SSH2: variants seen among roughly 807,000 people sequenced by gnomAD.
SSH2 encodes the protein protein phosphatase Slingshot homolog 2.
Under a neutral mutation model 135.2 loss-of-function variants are expected in SSH2, and 37 were observed. The observed-to-expected ratio is 0.27, with a 90% confidence interval of 0.21 to 0.36. The LOEUF (loss-of-function observed/expected upper bound fraction) is 0.36. Among genes scored for constraint, SSH2 ranks in the 10% least tolerant of loss-of-function variants. The probability of loss-of-function intolerance (pLI) is 1.00; values close to 1 mark genes in which losing one functional copy is unlikely to be tolerated. For synonymous variants in SSH2, 628 were observed against 646.2 expected, an observed-to-expected ratio of 0.97 and a Z score of 0.43; for missense variants, 1,408 against 1,765.3, an observed-to-expected ratio of 0.80 and a Z score of 3.63.
chr17:29,788,584 T>C (rs1267480388), intron 3 of SSH2, among the ~76,000 whole-genome samples: 1 of 152,024 alleles, frequency 6.6e-6, no homozygotes, highest in African/African-American at 2.4e-5. Flanking sequence ...TTTCTTTCTC[T>C]CTCTTTTTTC....
chr17:29,685,592 C>T (rs999118480), intron 5 of SSH2, among the ~76,000 whole-genome samples: 3 of 151,918 alleles, frequency 2.0e-5, no homozygotes, highest in Non-Finnish European at 2.9e-5. Flanking sequence ...TCAAGACCAG[C>T]CTGGCCAACA....
intron 1 of SSH2, among the ~76,000 whole-genome samples, chr17:29,885,077 A>AAGGCAT (rs2066209880): frequency 6.6e-6 from 1 of 152,138 alleles, no homozygotes; most frequent in Non-Finnish European, 1.5e-5. Context: ...ATTTCTTACC[A>AAGGCAT]AGGCATAAAA....
At chr17:29,699,719 G>A (rs1049019227) in intron 4 of SSH2, among the ~76,000 whole-genome samples, 4 of 152,064 alleles carry the variant, frequency 2.6e-5, no homozygotes, top group African/African-American at 9.7e-5. Flanking sequence ...CAGACAAACT[G>A]GATTTAAACC....
chr17:29,885,752 G>T (rs1336280965), intron 1 of SSH2, among the ~76,000 whole-genome samples: 1 of 152,138 alleles, frequency 6.6e-6, no homozygotes, highest in African/African-American at 2.4e-5. Flanking sequence ...GGTTTTTCCT[G>T]TGCTGTTCTG....
intron 3 of SSH2, among the ~76,000 whole-genome samples, chr17:29,744,860 AGT>A (rs71689248): frequency 0.33 from 46,466 of 140,214 alleles, 7,798 homozygotes; most frequent in East Asian, 0.47. Context: ...GGATTACTTG[AGT>A]GTGTGTGTGT....
At chr17:29,828,361 G>A (rs1245780642) in intron 2 of SSH2, among the ~76,000 whole-genome samples, 1 of 152,160 alleles carries the variant, frequency 6.6e-6, no homozygotes, top group Non-Finnish European at 1.5e-5. Flanking sequence ...TGAATCTACT[G>A]TGAACTTTTA....
At chr17:29,673,889 G>C in intron 8 of SSH2, 1 of 329,384 alleles carries the variant, frequency 3.0e-6, no homozygotes, top group Non-Finnish European at 6.1e-6. Flanking sequence ...TAATGATATA[G>C]ATGTACCATA....
intron 4 of SSH2, among the ~76,000 whole-genome samples, chr17:29,702,472 T>C (rs1229771910): frequency 6.6e-6 from 1 of 151,772 alleles, no homozygotes; most frequent in Non-Finnish European, 1.5e-5. Flanking sequence ...CTGGCTAATG[T>C]GGTAAAACCC....
At chr17:29,927,720 AG>A (rs746222976) in intron 1 of SSH2, among the ~76,000 whole-genome samples, 2 of 152,230 alleles carry the variant, frequency 1.3e-5, no homozygotes, top group African/African-American at 2.4e-5. Context: ...GAAGTCCAAT[AG>A]GAAGACAATT....
intron 1 of SSH2, chr17:29,929,716 T>C (rs1480277300): frequency 3.4e-6 from 2 of 583,952 alleles, no homozygotes; most frequent in East Asian, 2.9e-5. Flanking sequence ...AGGGCGAGGA[T>C]TGTGAGGAGC....
chr17:29,848,494 GAAT>G (rs1459552571), intron 2 of SSH2, among the ~76,000 whole-genome samples: 2 of 152,040 alleles, frequency 1.3e-5, no homozygotes, highest in Non-Finnish European at 2.9e-5. Context: ...ACAGGGAAAA[GAAT>G]AATACTATTG....
intron 1 of SSH2, among the ~76,000 whole-genome samples, chr17:29,898,396 GAAGAA>G (rs1274284350): frequency 6.6e-6 from 1 of 151,890 alleles, no homozygotes; most frequent in African/African-American, 2.4e-5. Flanking sequence ...GACTAATAAA[GAAGAA>G]AAGAGAGAAG....
chr17:29,834,457 TAA>T (rs943135895), intron 2 of SSH2, among the ~76,000 whole-genome samples: 1 of 152,092 alleles, frequency 6.6e-6, no homozygotes, highest in African/African-American at 2.4e-5. Flanking sequence ...ACATAAATAT[TAA>T]AAATCTAAAA....
chr17:29,767,018 T>A (rs1355996874), intron 3 of SSH2, among the ~76,000 whole-genome samples: 4 of 152,148 alleles, frequency 2.6e-5, no homozygotes, highest in African/African-American at 9.7e-5. Context: ...GGCTAATTTT[T>A]AAAAAAAGAA....
chr17:29,677,557 T>C (rs900977484), intron 7 of SSH2, 116 bp downstream of exon 7: 20 of 817,944 alleles, frequency 2.4e-5, no homozygotes, highest in Non-Finnish European at 3.6e-5. Flanking sequence ...CATTCAGCTG[T>C]TGACATGAAA....
intron 3 of SSH2, chr17:29,776,418 G>T (rs1217314356): frequency 6.6e-6 from 1 of 152,168 alleles, no homozygotes; most frequent in African/African-American, 2.4e-5. Flanking sequence ...GCCAAGCAAA[G>T]AAGGTTTCCA....
intron 9 of SSH2, 152 bp from the exon 10 acceptor site, chr17:29,667,375 TC>T (rs2037322596): frequency 3.2e-6 from 2 of 630,232 alleles, no homozygotes; most frequent in Non-Finnish European, 5.5e-6. Flanking sequence ...AGAGCGTGGG[TC>T]CCCAGTGAGT....
At chr17:29,753,623 C>T (rs2151236276) in intron 3 of SSH2, among the ~76,000 whole-genome samples, 1 of 151,150 alleles carries the variant, frequency 6.6e-6, no homozygotes, top group Admixed American at 6.6e-5. Context: ...TGGTGAAACC[C>T]CGTCTGTACT....
At chr17:29,809,185 C>T (rs538432090) in intron 2 of SSH2, among the ~76,000 whole-genome samples, 10 of 152,282 alleles carry the variant, frequency 6.6e-5, no homozygotes, top group African/African-American at 1.9e-4. Context: ...ACCCAGGAAG[C>T]GGAGGTTGCA....
Sources: allele counts gnomAD v4.1 joint callset (sites outside exome capture counted in the v4.1 genomes callset), GRCh38; gene constraint gnomAD v4.1.1; transcripts MANE v1.5; gene names NCBI Gene and HGNC (gene_info 2026-07-23, HGNC 2026-07-21).